KIF26A: variants seen among roughly 807,000 people sequenced by gnomAD.
KIF26A encodes kinesin-like protein KIF26A.
Under a neutral mutation model 126.0 loss-of-function variants are expected in KIF26A, and 74 were observed. That is an observed-to-expected ratio of 0.59 (90% CI 0.49 to 0.71). The LOEUF (loss-of-function observed/expected upper bound fraction) is 0.71. KIF26A is among the 30% of genes least tolerant of loss of function. KIF26A has a pLI of 0.00. For synonymous variants in KIF26A, 1,445 were observed against 1,232.7 expected, an observed-to-expected ratio of 1.17 and a Z score of -3.61; for missense variants, 2,984 against 2,763.3, an observed-to-expected ratio of 1.08 and a Z score of -1.79.
chr14:104,150,026 C>G (rs2037712094), intron 2 of KIF26A, among the ~76,000 whole-genome samples: 1 of 152,180 alleles, frequency 6.6e-6, no homozygotes, highest in Admixed American at 6.5e-5. Flanking sequence ...GGGGCCAGTT[C>G]TGGGTTCTAC....
At chr14:104,161,852 C>G (rs888015788) in intron 4 of KIF26A, among the ~76,000 whole-genome samples, 1 of 152,192 alleles carries the variant, frequency 6.6e-6, no homozygotes, top group Non-Finnish European at 1.5e-5. Context: ...GGTGAAGTTC[C>G]TGCTTTTCTG....
At chr14:104,138,941 C>G in intron 1 of KIF26A, 102 bp from the exon 2 acceptor site, 1 of 1,297,712 alleles carries the variant, frequency 7.7e-7, no homozygotes, top group Non-Finnish European at 9.7e-7. Flanking sequence ...GCCCAGGGCT[C>G]CTAACTTTGG....
intron 11 of KIF26A, 115 bp downstream of exon 11, chr14:104,174,425 A>G: frequency 9.1e-7 from 1 of 1,094,082 alleles, no homozygotes; most frequent in Non-Finnish European, 1.2e-6. Context: ...GAGCCTGGGT[A>G]GATGTCCTAT....
At position 104,166,945 on chromosome 14, in the gene KIF26A, C is replaced by T; in HGVS notation, c.1010C>T (p.Pro337Leu). ...GCCACCCGCGGCACCTCCACCTACC[C>T]CACCGACTTCAGCGGGGTCCTGCAG... is the stretch of plus-strand genomic sequence containing the variant. ...PPATRGTSTYPTDFSGVLQLW... is the reference protein window; with the variant it reads ...PPATRGTSTYLTDFSGVLQLW... The change falls in exon 5 of 15, where the codon CCC becomes CTC. Residue 337 changes from proline to leucine, a missense_variant. By Grantham distance (98) the Pro-to-Leu change is moderately conservative (BLOSUM62 -3). Transcript: ENST00000423312. 1 of 1,592,884 alleles carries T rather than the reference C, an allele frequency of 6.3e-7. No homozygotes were observed. The highest frequency in any genetic ancestry group is 1.7e-5 in the Admixed American group (1 of 57,502).
intron 2 of KIF26A, among the ~76,000 whole-genome samples, chr14:104,139,821 C>T (rs549978618): frequency 2.5e-4 from 38 of 152,340 alleles, no homozygotes; most frequent in Admixed American, 2.1e-3. Flanking sequence ...TGTCCCATAC[C>T]TCCTGGGATA....
chr14:104,171,912 G>A lies in KIF26A; in HGVS notation c.1303G>A (p.Val435Ile), dbSNP rs1315813775. The A allele has an allele frequency of 3.9e-6, 6 of 1,555,380 alleles. No individual in the cohort carries two copies. In the Admixed American group the frequency reaches 5.8e-5, roughly 15 times the overall value. ...AVPKMFAFDA[V>I]FPQDSEQAEV... ...TCCCAAGATGTTTGCCTTCGATGCC[G>A]TCTTCCCCCAGGACTCCGAGCAGGT... is the stretch of plus-strand genomic sequence containing the variant. The change falls in exon 6 of 15, where the codon GTC (valine) becomes ATC (isoleucine). Residue 435 changes from valine (V) to isoleucine (I), a missense_variant. Val to Ile is a conservative substitution (Grantham distance 29, BLOSUM62 3). Coordinates refer to ENST00000423312, the MANE Select transcript of KIF26A (RefSeq NM_015656.2).
At chr14:104,158,646 C>G (rs192118179) in intron 4 of KIF26A, among the ~76,000 whole-genome samples, 366 of 152,338 alleles carry the variant, frequency 2.4e-3, no homozygotes, top group Non-Finnish European at 4.0e-3. Context: ...CCACCACTGC[C>G]AGAATGCCAG....
rs777367289 is a variant in KIF26A at position 104,174,279 on chromosome 14, G to A, written c.2162G>A (p.Arg721His). The A allele has an allele frequency of 8.3e-6, 13 of 1,557,986 alleles. No individual in the cohort carries two copies. The highest frequency in any genetic ancestry group is 5.7e-5 in the Admixed American group (3 of 52,966). ...ETLSTVQLAA[R>H]IHRLRRKKAK... ...CTCAGCACCGTGCAGCTCGCCGCCCGCATCCACCGCCTGCGCAGGAAGAAG... is the reference window on the plus strand; with the variant it reads ...CTCAGCACCGTGCAGCTCGCCGCCCACATCCACCGCCTGCGCAGGAAGAAG... The change falls in exon 11 of 15, where the codon CGC (arginine) becomes CAC (histidine). Residue 721 changes from arginine to histidine, a missense_variant. Coordinates refer to ENST00000423312, the MANE Select transcript of KIF26A (RefSeq NM_015656.2).
chr14:104,139,212 G>A lies in KIF26A; in HGVS notation c.212G>A (p.Arg71His). The change falls in exon 2 of 15, where the codon CGC (arginine) becomes CAC (histidine). Residue 71 changes from arginine to histidine, a missense_variant. Transcript: ENST00000423312. ...TCGGCCGGCGGAGGCGGCTGGTGCC[G>A]CCACTGCCACACGAAGCTGGTGGAG... ...GHSAGGGGWC[R>H]HCHTKLVELK... 5.2e-6 allele frequency: 8 copies of A among 1,553,044 alleles called. No individual in the cohort carries two copies. Among genetic ancestry groups the A allele is most frequent in the Non-Finnish European group, 7.0e-6 (8 of 1,150,598 alleles).
intron 2 of KIF26A, among the ~76,000 whole-genome samples, chr14:104,143,334 G>T (rs1338788797): frequency 6.6e-6 from 1 of 152,218 alleles, no homozygotes; most frequent in Non-Finnish European, 1.5e-5. Flanking sequence ...GGAATCAGTT[G>T]TCATGGTCTG....
chr14:104,175,981 G>A lies in KIF26A; in HGVS notation c.3193G>A (p.Ala1065Thr). 1 of 1,578,616 alleles carries A rather than the reference G, an allele frequency of 6.3e-7. No homozygotes were observed. The highest frequency in any genetic ancestry group is 8.6e-7 in the Non-Finnish European group (1 of 1,168,958). The stretch of plus-strand genomic sequence containing the variant: ...CTTCGACAGTGACTGCTCCCTGCGG[G>A]CCCTGGCCTCGGGGTCCCGGCCAGT... ...ASFDSDCSLR[A>T]LASGSRPVSI... The change falls in exon 12 of 15, where the codon GCC becomes ACC. Residue 1065 changes from alanine (A) to threonine (T), a missense_variant. By Grantham distance (58) the Ala-to-Thr change is moderately conservative. Transcript: ENST00000423312.
intron 13 of KIF26A, 145 bp downstream of exon 13, chr14:104,178,900 A>T (rs1390060770): frequency 1.0e-5 from 6 of 595,406 alleles, no homozygotes; most frequent in Non-Finnish European, 1.7e-5. Flanking sequence ...CGTTCCTCCC[A>T]GGACGCAAAG....
In KIF26A at chr14:104,176,462, G is replaced by C. The variant is rs781253734; in HGVS notation, c.3674G>C (p.Cys1225Ser). ...GCCTCTGCCACCACCCGTGTGGGCT[G>C]TGCTCGCCTGGGCCAGAGCCCACCT... ...RTASATTRVG[C>S]ARLGQSPPGR... Residue 1225 changes from cysteine (C) to serine (S), a missense_variant, in exon 12 of 15, where the codon TGT (cysteine) becomes TCT (serine). Physicochemically the swap from Cys to Ser is moderately radical, Grantham distance 112. Coordinates refer to ENST00000423312, the MANE Select transcript of KIF26A (RefSeq NM_015656.2). 9 of 1,607,010 alleles carry C rather than the reference G, an allele frequency of 5.6e-6. No homozygotes were observed. The highest frequency in any genetic ancestry group is 1.7e-5 in the Admixed American group (1 of 59,932).
At chr14:104,174,333 C>T (rs1453284237) in intron 11 of KIF26A, 23 bp downstream of exon 11, 1 of 1,504,592 alleles carries the variant, frequency 6.6e-7, no homozygotes, top group Non-Finnish European at 8.9e-7. Flanking sequence ...TCCTGCCCGC[C>T]CCATCTCGGG....
Position 104,175,770 on chromosome 14 carries a change from TCCTGGGGCCA to T in KIF26A, c.2987_2996del (p.Gly996AlafsTer20). On this transcript the variant is annotated frameshift_variant, in exon 12 of 15. Coordinates refer to ENST00000423312, the MANE Select transcript of KIF26A (RefSeq NM_015656.2). LOFTEE classifies it high-confidence loss of function. ...GGCAGGTGGCTGGGTCCCCGATGCT[TCCTGGGGCCA>T]CCTGCCCCCGCCTGGCTGCTGGCAG... is the stretch of plus-strand genomic sequence containing the variant. 6.5e-7 allele frequency: 1 copy of T among 1,537,806 alleles called. No individual in the cohort carries two copies. Among genetic ancestry groups the T allele is most frequent in the Non-Finnish European group, 8.7e-7 (1 of 1,145,858 alleles).
intron 3 of KIF26A, among the ~76,000 whole-genome samples, chr14:104,157,054 T>TC (rs916264087): frequency 2.0e-5 from 3 of 151,892 alleles, no homozygotes; most frequent in Non-Finnish European, 2.9e-5. Flanking sequence ...TGGGGTTGCA[T>TC]CCCCCCACGC....
chr14:104,169,568 A>G (rs1464586070), intron 5 of KIF26A, among the ~76,000 whole-genome samples: 1 of 152,230 alleles, frequency 6.6e-6, no homozygotes, highest in Non-Finnish European at 1.5e-5. Flanking sequence ...CCCGGGTGTT[A>G]TTAGCACTAA....
At chr14:104,177,966 T>C in intron 12 of KIF26A, 68 bp downstream of exon 12, 1 of 1,389,054 alleles carries the variant, frequency 7.2e-7, no homozygotes, top group Admixed American at 2.9e-5. Flanking sequence ...CACAGCCCTC[T>C]ACAGTTTACA....
In KIF26A at chr14:104,177,861, C is replaced by T. The variant is rs1235785956; in HGVS notation, c.5073C>T (p.Arg1691=). 2 of 1,556,584 alleles carry T rather than the reference C, an allele frequency of 1.3e-6. No homozygotes were observed. Among genetic ancestry groups the T allele is most frequent in the Non-Finnish European group, 1.7e-6 (2 of 1,158,012 alleles). The change falls in exon 12 of 15, where the codon CGC becomes CGT. Residue 1691 remains arginine, a synonymous_variant. Coordinates refer to ENST00000423312, the MANE Select transcript of KIF26A (RefSeq NM_015656.2). ...GTGGGGCTGCCTCCCCAGGCGCCCG[C>T]ACCCGCAGCCTCAAGTCCCCCAAGA... The part of the protein sequence containing the change: ...SESGAASPGA[R]TRSLKSPKKR...
Sources: gnomAD v4.1 joint callset for allele counts (sites outside exome capture counted in the v4.1 genomes callset) on GRCh38, gnomAD v4.1.1 for gene constraint, MANE v1.5 for transcripts, NCBI Gene and HGNC (gene_info 2026-07-23, HGNC 2026-07-21) for gene names.